KIRREL3: variants seen among roughly 807,000 people sequenced by gnomAD.
The protein encoded by KIRREL3 is kin of IRRE-like protein 3.
Under a neutral mutation model 89.7 loss-of-function variants are expected in KIRREL3, and 36 were observed. That is an observed-to-expected ratio of 0.40 (90% CI 0.31 to 0.53). The LOEUF is 0.53. KIRREL3 is among the 20% of genes least tolerant of loss of function. KIRREL3 has a pLI of 0.49. For missense variants in KIRREL3, 864 were observed against 1,056.6 expected (o/e 0.82, Z 2.53); for synonymous variants, 445 against 441.4 (o/e 1.01, Z -0.10).
chr11:126,852,976 C>T (rs543263593), intron 1 of KIRREL3, among the ~76,000 whole-genome samples: 17 of 152,294 alleles, frequency 1.1e-4, no homozygotes, highest in South Asian at 6.2e-4. Flanking sequence ...GTTATTTCTC[C>T]GGGGAAACCT....
chr11:126,889,516 GA>G lies in KIRREL3; in HGVS notation c.55+110938del, dbSNP rs754432201. On this transcript the variant is annotated intron_variant, in intron 1 of 16. Coordinates refer to ENST00000525144, the MANE Select transcript of KIRREL3 (RefSeq NM_032531.4). ...TTCTTCTTGGAAAAAAAAAGGAGAA[GA>G]AAAAAAGTCAATTCCCTCTTCTCCT... Among the ~76,000 whole-genome samples, 6 of 152,030 alleles carry G rather than the reference GA, an allele frequency of 3.9e-5. No individual in the cohort carries two copies. In the East Asian group the frequency reaches 1.2e-3, roughly 29 times the overall value.
At chr11:126,829,667 T>C (rs1330542120) in intron 1 of KIRREL3, among the ~76,000 whole-genome samples, 1 of 152,196 alleles carries the variant, frequency 6.6e-6, no homozygotes, top group Admixed American at 6.5e-5. Flanking sequence ...GAGAACCTAC[T>C]GGGTGCCAGG....
intron 1 of KIRREL3, among the ~76,000 whole-genome samples, chr11:126,922,373 C>A (rs566373931): frequency 1.4e-4 from 22 of 152,234 alleles, no homozygotes; most frequent in South Asian, 6.2e-4. Context: ...CATCTCCTCA[C>A]CCCTACTCTC....
chr11:126,833,422 G>T (rs565468233), intron 1 of KIRREL3, among the ~76,000 whole-genome samples: 1 of 152,352 alleles, frequency 6.6e-6, no homozygotes, highest in Admixed American at 6.5e-5. Context: ...TGACAGAGAT[G>T]AATTTGATCA....
At position 126,961,467 on chromosome 11, in the gene KIRREL3, C is replaced by T. The variant is rs117574945; in HGVS notation, c.55+38988G>A. ...CAACCACAACATTCTTTTAAGCCAA[C>T]ACCTAATACAGAGCAAGGCCCTAAC... On this transcript the variant is annotated intron_variant, in intron 1 of 16. Transcript: ENST00000525144. Among the ~76,000 whole-genome samples the T allele has an allele frequency of 5.2e-3, 791 of 152,320 alleles. 3 individuals carry two copies. Among genetic ancestry groups the T allele is most frequent in the Non-Finnish European group, 8.0e-3 (547 of 68,030 alleles).
chr11:126,707,536 T>A (rs886662803), intron 1 of KIRREL3, among the ~76,000 whole-genome samples: 1 of 152,162 alleles, frequency 6.6e-6, no homozygotes, highest in Non-Finnish European at 1.5e-5. Context: ...TCTATGTCAG[T>A]CCATTGTTCT....
rs1046721283 is a variant in KIRREL3, at chr11:126,883,474, T to C, written c.55+116981A>G. Reference sequence around the variant, plus strand: ...GTCATGGTCACCGTCACAATTTCCATGACCTTACTCATGCTGGCAACTCTG... The same window carrying C: ...GTCATGGTCACCGTCACAATTTCCACGACCTTACTCATGCTGGCAACTCTG... On this transcript the variant is annotated intron_variant, in intron 1 of 16. Transcript: ENST00000525144. This position sits in a 1 kb window ranked among gnomAD's most constrained non-coding sequence, Gnocchi z 4.1. Among the ~76,000 whole-genome samples, 2 of 152,118 alleles carry C rather than the reference T, an allele frequency of 1.3e-5. No individual in the cohort carries two copies. Among genetic ancestry groups the C allele is most frequent in the African/African-American group, 4.8e-5 (2 of 41,440 alleles).
chr11:126,539,171 T>C (rs1416786636), intron 2 of KIRREL3, among the ~76,000 whole-genome samples: 1 of 152,192 alleles, frequency 6.6e-6, no homozygotes, highest in Non-Finnish European at 1.5e-5. Context: ...TTGAGTTGTT[T>C]GTGAGAATGA....
In KIRREL3 at chr11:126,704,217, C is replaced by G. The variant is rs1272235459; in HGVS notation, c.56-141305G>C. Among the ~76,000 whole-genome samples, 2 of 152,204 alleles carry G rather than the reference C, an allele frequency of 1.3e-5. No individual in the cohort carries two copies. Among genetic ancestry groups the G allele is most frequent in the East Asian group, 3.9e-4 (2 of 5,190 alleles). ...TCCAGCTGAGCAACATGTATTTACA[C>G]AGCACACACATTTGCATCATATCTG... On this transcript the variant is annotated intron_variant, in intron 1 of 16. Transcript: ENST00000525144. This position sits in a 1 kb window ranked among gnomAD's most constrained non-coding sequence, Gnocchi z 4.2.
chr11:126,726,997 G>A (rs748736872), intron 1 of KIRREL3, among the ~76,000 whole-genome samples: 5 of 152,154 alleles, frequency 3.3e-5, no homozygotes, highest in Non-Finnish European at 7.3e-5. Context: ...TCTGGGACAC[G>A]CCTCCAGCAC....
At chr11:126,602,058 T>A (rs1565584251) in intron 1 of KIRREL3, among the ~76,000 whole-genome samples, 1 of 152,224 alleles carries the variant, frequency 6.6e-6, no homozygotes, top group Non-Finnish European at 1.5e-5. Flanking sequence ...ACTAATTGAA[T>A]GGCCGAGTTT....
Position 126,463,452 on chromosome 11 carries a change from T to G in KIRREL3, c.592-145A>C. ...CAGCTTAGGAGACCTGGGCTGCCCATGTCTACGCAGAGCTCGGGGGTTACC... is the reference window on the plus strand; with the variant it reads ...CAGCTTAGGAGACCTGGGCTGCCCAGGTCTACGCAGAGCTCGGGGGTTACC... On this transcript the variant is annotated intron_variant, in intron 5 of 16. Transcript: ENST00000525144. The surrounding 1 kb of genome is among the most constrained non-coding windows in gnomAD (Gnocchi z 5.9). 1 of 802,398 alleles carries G rather than the reference T, an allele frequency of 1.2e-6. No homozygotes were observed. Among genetic ancestry groups the G allele is most frequent in the Non-Finnish European group, 1.9e-6 (1 of 519,710 alleles). The allele number at this position is 802,398 out of a possible 1,614,324, so 49.7% of individuals were successfully genotyped here. A position where few individuals can be genotyped will look rare whatever the true frequency, so the allele number is the denominator to read the frequency against.
intron 4 of KIRREL3, among the ~76,000 whole-genome samples, chr11:126,494,161 A>T (rs1464149093): frequency 6.6e-6 from 1 of 152,236 alleles, no homozygotes; most frequent in Non-Finnish European, 1.5e-5. Flanking sequence ...TGGTCAAGAG[A>T]AATGGTCAAA....
intron 1 of KIRREL3, among the ~76,000 whole-genome samples, chr11:126,799,636 T>C (rs1950968258): frequency 6.6e-6 from 1 of 152,104 alleles, no homozygotes; most frequent in Non-Finnish European, 1.5e-5. Context: ...AGAATCTGGT[T>C]TCACTCCTTA....
Position 126,979,915 on chromosome 11 carries a change from G to A in KIRREL3, c.55+20540C>T, listed in dbSNP as rs918515414. Reference sequence around the variant, plus strand: ...ACTCATTAAACATTTGTTGAGCACTGTCAGAGATGATATGAAAAATTTTAA... The same window carrying A: ...ACTCATTAAACATTTGTTGAGCACTATCAGAGATGATATGAAAAATTTTAA... On this transcript the variant is annotated intron_variant, in intron 1 of 16. Transcript: ENST00000525144. Among the ~76,000 whole-genome samples the A allele has an allele frequency of 4.6e-5, 7 of 152,178 alleles. No homozygotes were observed. In the South Asian group the frequency reaches 1.5e-3, roughly 32 times the overall value.
At chr11:126,790,220 C>T (rs1041991775) in intron 1 of KIRREL3, among the ~76,000 whole-genome samples, 8 of 152,306 alleles carry the variant, frequency 5.3e-5, no homozygotes, top group Admixed American at 2.0e-4. Context: ...CTGAGGTCAC[C>T]GAACATTGCA....
At chr11:126,775,774 T>C (rs909425547) in intron 1 of KIRREL3, among the ~76,000 whole-genome samples, 3 of 152,254 alleles carry the variant, frequency 2.0e-5, no homozygotes, top group Non-Finnish European at 4.4e-5. Context: ...TGCTGTTATG[T>C]GCATTTTATA....
chr11:126,583,059 C>T (rs185254885), intron 1 of KIRREL3, among the ~76,000 whole-genome samples: 1 of 152,168 alleles, frequency 6.6e-6, no homozygotes, highest in African/African-American at 2.4e-5. Flanking sequence ...CCCATCCACA[C>T]CAGTTACCCA....
chr11:126,427,139 C>T lies in KIRREL3; in HGVS notation c.1807-1415G>A, dbSNP rs1033626963. Among the ~76,000 whole-genome samples, 2 of 152,102 alleles carry T rather than the reference C, an allele frequency of 1.3e-5. No individual in the cohort carries two copies. Among genetic ancestry groups the T allele is most frequent in the Admixed American group, 6.5e-5 (1 of 15,272 alleles). ...GCCGATGGGAGAGAATTCAAGGTCC[C>T]GTTTGGGATGAAGGACACACATGAT... On this transcript the variant is annotated intron_variant, in intron 15 of 16. Transcript: ENST00000525144. This position sits in a 1 kb window ranked among gnomAD's most constrained non-coding sequence, Gnocchi z 5.3.
Sources: gnomAD v4.1 joint callset for allele counts (sites outside exome capture counted in the v4.1 genomes callset) on GRCh38, gnomAD v4.1.1 for gene constraint, Gnocchi (gnomAD v3.1) non-coding constraint, MANE v1.5 for transcripts, NCBI Gene and HGNC (gene_info 2026-07-23, HGNC 2026-07-21) for gene names.